ZCCHC7: variants seen among roughly 807,000 people sequenced by gnomAD.
ZCCHC7 encodes zinc finger CCHC-type containing 7, also known as zinc finger CCHC domain-containing protein 7.
In ZCCHC7, 35 loss-of-function variants were observed where a neutral mutation model predicts 52.0. The observed-to-expected ratio is 0.67, with a 90% confidence interval of 0.51 to 0.89. The LOEUF (loss-of-function observed/expected upper bound fraction) is 0.89. ZCCHC7 is among the 40% of genes least tolerant of loss of function. The pLI, the probability that ZCCHC7 is intolerant of heterozygous loss-of-function variation, is 0.00. For synonymous variants in ZCCHC7, 217 were observed against 221.5 expected (o/e 0.98, Z 0.18); for missense variants, 574 against 649.1 (o/e 0.88, Z 1.26).
At chr9:37,320,171 G>T (rs1435425580) in intron 5 of ZCCHC7, among the ~76,000 whole-genome samples, 1 of 152,154 alleles carries the variant, frequency 6.6e-6, no homozygotes, top group Non-Finnish European at 1.5e-5. Context: ...TCCGTCTCCT[G>T]GGTTCAAGCA....
In ZCCHC7 at chr9:37,123,190, GGTGTGTGTGTGT is replaced by G. The variant is rs58690804; in HGVS notation, c.-22+2591_-22+2602del. On this transcript the variant is annotated intron_variant, in intron 1 of 8. Coordinates refer to ENST00000336755, the MANE Select transcript of ZCCHC7 (RefSeq NM_032226.3). ...AGCTGAGAAAGCCTTCTGAGTCAAG[GGTGTGTGTGTGT>G]GTGTGTGTGTGTGTGTGTGTGTGCG... Among the ~76,000 whole-genome samples, 392 of 148,764 alleles carry G rather than the reference GGTGTGTGTGTGT, an allele frequency of 2.6e-3. 1 individual carries two copies. The highest frequency in any genetic ancestry group is 8.3e-3 in the African/African-American group (338 of 40,704).
At chr9:37,259,844 A>G (rs488033) in intron 2 of ZCCHC7, among the ~76,000 whole-genome samples, 5 of 152,210 alleles carry the variant, frequency 3.3e-5, no homozygotes, top group Non-Finnish European at 5.9e-5. Flanking sequence ...ATCTTCAGGT[A>G]TGAAGATATG....
intron 5 of ZCCHC7, among the ~76,000 whole-genome samples, chr9:37,309,319 T>TG (rs1199494541): frequency 6.6e-6 from 1 of 152,176 alleles, no homozygotes; most frequent in Non-Finnish European, 1.5e-5. Context: ...GAACTGTACA[T>TG]GCTTTAGGTC....
chr9:37,147,552 A>C (rs1293170750), intron 2 of ZCCHC7: 2 of 152,014 alleles, frequency 1.3e-5, no homozygotes, highest in African/African-American at 4.8e-5. Flanking sequence ...GAATAAAAAT[A>C]GAGATCTAGT....
In ZCCHC7 at chr9:37,240,709, G is replaced by C. The variant is rs188591607; in HGVS notation, c.611-61479G>C. Among the ~76,000 whole-genome samples, 7 of 152,008 alleles carry C rather than the reference G, an allele frequency of 4.6e-5. No homozygotes were observed. The East Asian group carries it at 1.3e-3, about 29-fold the overall frequency. ...TTCCTAAGATAAAGGAAAAGAAGCAGCAGGAGTAGCAAAGGTTGGGATAGA... is the reference window on the plus strand; with the variant it reads ...TTCCTAAGATAAAGGAAAAGAAGCACCAGGAGTAGCAAAGGTTGGGATAGA... On this transcript the variant is annotated intron_variant, in intron 2 of 8. Coordinates refer to ENST00000336755, the MANE Select transcript of ZCCHC7 (RefSeq NM_032226.3).
chr9:37,224,926 A>G (rs1241790500), intron 2 of ZCCHC7, among the ~76,000 whole-genome samples: 1 of 152,224 alleles, frequency 6.6e-6, no homozygotes, highest in Admixed American at 6.5e-5. Context: ...ATTTACACCT[A>G]TACATTTCTC....
chr9:37,183,014 A>T (rs1446268808), intron 2 of ZCCHC7, among the ~76,000 whole-genome samples: 2 of 152,226 alleles, frequency 1.3e-5, no homozygotes, highest in Non-Finnish European at 2.9e-5. Flanking sequence ...GGGTCAGGGG[A>T]GAGAAACAGA....
chr9:37,287,735 A>G (rs1005476146), intron 2 of ZCCHC7, among the ~76,000 whole-genome samples: 15 of 152,272 alleles, frequency 9.9e-5, no homozygotes, highest in African/African-American at 3.4e-4. Context: ...AATTACTATT[A>G]TATACTTATT....
chr9:37,326,685 A>G (rs1198010322), intron 5 of ZCCHC7, among the ~76,000 whole-genome samples: 1 of 152,056 alleles, frequency 6.6e-6, no homozygotes, highest in Non-Finnish European at 1.5e-5. Context: ...TATCATAGCC[A>G]TGATATTTTC....
intron 2 of ZCCHC7, among the ~76,000 whole-genome samples, chr9:37,138,553 C>T (rs566081100): frequency 9.2e-5 from 14 of 152,132 alleles, no homozygotes; most frequent in South Asian, 8.3e-4. Flanking sequence ...AAATACATTT[C>T]TTCTAGTAAC....
At chr9:37,283,455 A>G (rs928426853) in intron 2 of ZCCHC7, among the ~76,000 whole-genome samples, 2 of 152,192 alleles carry the variant, frequency 1.3e-5, no homozygotes, top group African/African-American at 4.8e-5. Context: ...TAAAATGGAA[A>G]AGTGGGCTCC....
intron 2 of ZCCHC7, among the ~76,000 whole-genome samples, chr9:37,183,033 C>A (rs2133058031): frequency 6.6e-6 from 1 of 152,074 alleles, no homozygotes; most frequent in African/African-American, 2.4e-5. Flanking sequence ...GAAAAGAAAT[C>A]CTTCAGGAAA....
intron 2 of ZCCHC7, among the ~76,000 whole-genome samples, chr9:37,168,705 C>T (rs1821563255): frequency 6.6e-6 from 1 of 152,020 alleles, no homozygotes; most frequent in Non-Finnish European, 1.5e-5. Flanking sequence ...CAAGACTAGC[C>T]CTAGCAACAT....
intron 2 of ZCCHC7, chr9:37,284,151 C>G (rs1021413425): frequency 6.6e-6 from 1 of 151,952 alleles, no homozygotes; most frequent in Non-Finnish European, 1.5e-5. Flanking sequence ...TTCCTGTGGT[C>G]CCCATACTTG....
chr9:37,207,497 GTT>G (rs3074709), intron 2 of ZCCHC7, among the ~76,000 whole-genome samples: 45,334 of 93,204 alleles, frequency 0.49, 7,622 homozygotes, highest in African/African-American at 0.59. Flanking sequence ...TTTCTCCAGA[GTT>G]TTTTTTTTTT....
At chr9:37,312,012 G>A (rs1380342657) in intron 5 of ZCCHC7, among the ~76,000 whole-genome samples, 1 of 152,124 alleles carries the variant, frequency 6.6e-6, no homozygotes, top group African/African-American at 2.4e-5. Context: ...TTTTTGTAAA[G>A]GTAATTATTT....
At chr9:37,307,631 C>G (rs1829390642) in intron 5 of ZCCHC7, among the ~76,000 whole-genome samples, 1 of 152,034 alleles carries the variant, frequency 6.6e-6, no homozygotes, top group Non-Finnish European at 1.5e-5. Context: ...CACCTATAGT[C>G]TTTTTTCTTA....
At chr9:37,283,243 T>C (rs999067123) in intron 2 of ZCCHC7, among the ~76,000 whole-genome samples, 1 of 152,120 alleles carries the variant, frequency 6.6e-6, no homozygotes, top group Non-Finnish European at 1.5e-5. Flanking sequence ...TAAAGATAGG[T>C]AGTCAATGTC....
intron 6 of ZCCHC7, among the ~76,000 whole-genome samples, chr9:37,337,392 TACCCA>T (rs1161582651): frequency 7.3e-5 from 1 of 13,740 alleles, no homozygotes; most frequent in African/African-American, 3.2e-4. Context: ...CACCCCACCC[TACCCA>T]CCCACCCCCC....
Sources: gnomAD v4.1 joint callset for allele counts (sites outside exome capture counted in the v4.1 genomes callset) on GRCh38, gnomAD v4.1.1 for gene constraint, MANE v1.5 for transcripts, NCBI Gene and HGNC (gene_info 2026-07-23, HGNC 2026-07-21) for gene names.